NMT1: variants seen among roughly 807,000 people sequenced by gnomAD.
The protein encoded by NMT1 is glycylpeptide N-tetradecanoyltransferase 1.
Under a neutral mutation model 63.4 loss-of-function variants are expected in NMT1, and 12 were observed. The observed-to-expected ratio is 0.19, with a 90% CI of 0.12 to 0.31. The LOEUF (loss-of-function observed/expected upper bound fraction) is 0.31. NMT1 is among the 10% of genes least tolerant of loss of function. The pLI, the probability that NMT1 is intolerant of heterozygous loss-of-function variation, is 1.00. For synonymous variants in NMT1, 228 were observed against 234.3 expected, an observed-to-expected ratio of 0.97 and a Z score of 0.25; for missense variants, 432 against 634.6, an observed-to-expected ratio of 0.68 and a Z score of 3.43.
At chr17:45,093,608 T>A in intron 3 of NMT1, 77 bp from the exon 4 acceptor site, 1 of 1,181,170 alleles carries the variant, frequency 8.5e-7, no homozygotes, top group Non-Finnish European at 1.2e-6. Flanking sequence ...GAATTTGCTC[T>A]GGTTGAGTTT....
chr17:45,096,508 A>G (rs1707893657), intron 5 of NMT1, among the ~76,000 whole-genome samples: 2 of 152,262 alleles, frequency 1.3e-5, no homozygotes, highest in Non-Finnish European at 2.9e-5. Context: ...TCGTAGAGCT[A>G]GTACCCAGGG....
chr17:45,104,166 A>G lies in NMT1; in HGVS notation c.1332+290A>G. On this transcript the variant is annotated intron_variant, in intron 10 of 11. Coordinates refer to ENST00000258960, the MANE Select transcript of NMT1 (RefSeq NM_021079.5). This position sits in a 1 kb window ranked among gnomAD's most constrained non-coding sequence, Gnocchi z 4.2. ...GAATAGCCAGGCCTTCCCTGGGAGGACAGGGCTTCTCCTCACAGCTTTCCC... is the reference window on the plus strand; with the variant it reads ...GAATAGCCAGGCCTTCCCTGGGAGGGCAGGGCTTCTCCTCACAGCTTTCCC... 1.5e-6 allele frequency: 2 copies of G among 1,314,056 alleles called. No individual in the cohort carries two copies. Among genetic ancestry groups the G allele is most frequent in the Admixed American group, 3.2e-5 (1 of 31,690 alleles). 81.4% of individuals were successfully genotyped at this position (1,314,056 alleles called of 1,614,324 possible). A position where few individuals can be genotyped will look rare whatever the true frequency, so the allele number is the denominator to read the frequency against.
intron 1 of NMT1, among the ~76,000 whole-genome samples, chr17:45,076,606 TG>T (rs2053979231): frequency 6.6e-6 from 1 of 151,782 alleles, no homozygotes; most frequent in Non-Finnish European, 1.5e-5. Flanking sequence ...AAAAATTAGC[TG>T]GGTGTGATGG....
At chr17:45,069,029 C>G (rs572611563) in intron 1 of NMT1, among the ~76,000 whole-genome samples, 1 of 147,834 alleles carries the variant, frequency 6.8e-6, no homozygotes, top group African/African-American at 2.5e-5. Context: ...GGCGCGATCT[C>G]GGCTCACTGC....
chr17:45,062,668 T>TA (rs1380222506), intron 1 of NMT1, among the ~76,000 whole-genome samples: 1 of 152,214 alleles, frequency 6.6e-6, no homozygotes, highest in Non-Finnish European at 1.5e-5. Flanking sequence ...CTATTGCTCC[T>TA]AGGCTACAAA....
In NMT1 at chr17:45,105,106, C is replaced by A; in HGVS notation, c.1470+110C>A. The A allele has an allele frequency of 7.0e-7, 1 of 1,422,852 alleles. No individual in the cohort carries two copies. 88.1% of individuals were successfully genotyped at this position (1,422,852 alleles called of 1,614,324 possible). ...CAGCCGCAGTCTGGGTCCTTGTTACCTCGAGTTGAACCTTTGAAAATGCCC... is the reference window on the plus strand; with the variant it reads ...CAGCCGCAGTCTGGGTCCTTGTTACATCGAGTTGAACCTTTGAAAATGCCC... On this transcript the variant is annotated intron_variant, in intron 11 of 11. Coordinates refer to ENST00000258960, the MANE Select transcript of NMT1 (RefSeq NM_021079.5). The surrounding 1 kb of genome is among the most constrained non-coding windows in gnomAD (Gnocchi z 4.2).
chr17:45,097,204 T>A lies in NMT1; in HGVS notation c.673T>A (p.Phe225Ile). The part of the protein sequence containing the change: ...RVVSSRKLVG[F>I]ISAIPANIHI... ...GGTCTCAAGTCGGAAATTGGTTGGG[T>A]TCATTAGCGCCATCCCAGCAAACAT... The change falls in exon 6 of 12, where the codon TTC becomes ATC. Residue 225 changes from phenylalanine to isoleucine, a missense_variant. This residue lies in a region of NMT1 where 295 missense variants were observed against 489.7 expected (regional missense o/e 0.60). Transcript: ENST00000258960. The A allele has an allele frequency of 6.2e-7, 1 of 1,613,988 alleles. No individual in the cohort carries two copies. Among genetic ancestry groups the A allele is most frequent in the Non-Finnish European group, 8.5e-7 (1 of 1,179,990 alleles).
chr17:45,079,064 C>A (rs538240741), intron 1 of NMT1, among the ~76,000 whole-genome samples: 70 of 151,940 alleles, frequency 4.6e-4, no homozygotes, highest in Non-Finnish European at 7.7e-4. Flanking sequence ...AGGTTGGACT[C>A]CTAATTTTGA....
intron 1 of NMT1, among the ~76,000 whole-genome samples, chr17:45,081,363 A>G (rs990259840): frequency 6.6e-6 from 1 of 152,236 alleles, no homozygotes; most frequent in South Asian, 2.1e-4. Flanking sequence ...CCCTGGCAAT[A>G]TAAAGAAAAT....
rs751194073 is a variant in NMT1 at position 45,093,859 on chromosome 17, C to A, written c.504+56C>A. On this transcript the variant is annotated intron_variant, in intron 4 of 11. Transcript: ENST00000258960. ...GGGTAGGAGCCACTTTCACAGTAAGCCCTGCAGTCTCACCTAGACTACGTT... is the reference window on the plus strand; with the variant it reads ...GGGTAGGAGCCACTTTCACAGTAAGACCTGCAGTCTCACCTAGACTACGTT... The A allele has an allele frequency of 5.8e-6, 8 of 1,382,904 alleles. No homozygotes were observed. In the African/African-American group the frequency reaches 7.1e-5, roughly 12 times the overall value. The allele number at this position is 1,382,904 out of a possible 1,614,324, so 85.7% of individuals were successfully genotyped here.
At chr17:45,072,655 G>C (rs1047935490) in intron 1 of NMT1, among the ~76,000 whole-genome samples, 1 of 150,898 alleles carries the variant, frequency 6.6e-6, no homozygotes, top group Non-Finnish European at 1.5e-5. Flanking sequence ...CGCCTCCCGG[G>C]TTCACGCCAT....
intron 1 of NMT1, among the ~76,000 whole-genome samples, chr17:45,063,958 G>T (rs181459038): frequency 6.6e-6 from 1 of 151,946 alleles, no homozygotes; most frequent in East Asian, 1.9e-4. Flanking sequence ...AGGCCGAGGC[G>T]GGTGGATCAC....
rs2054205627 is a variant in NMT1 at position 45,106,874 on chromosome 17, A to T, written c.*1235A>T. ...TGTTTTGTGGATTTTTGTGGTAGTG[A>T]TGGTTGTCAGTGCTGCCAGTTTCCC... On this transcript the variant is annotated 3_prime_UTR_variant, in exon 12 of 12. Coordinates refer to ENST00000258960, the MANE Select transcript of NMT1 (RefSeq NM_021079.5). The T allele has an allele frequency of 6.6e-6, 1 of 152,480 alleles. No individual in the cohort carries two copies. Among genetic ancestry groups the T allele is most frequent in the Non-Finnish European group, 1.5e-5 (1 of 68,030 alleles). 9.4% of individuals were successfully genotyped at this position (152,480 alleles called of 1,614,324 possible).
chr17:45,100,469 G>A (rs537649711), intron 8 of NMT1, among the ~76,000 whole-genome samples: 33 of 152,026 alleles, frequency 2.2e-4, no homozygotes, highest in Middle Eastern at 6.8e-3. Context: ...TTGGGAGGCT[G>A]AGGCAGGAGA....
chr17:45,067,938 A>AAT (rs2053913327), intron 1 of NMT1, among the ~76,000 whole-genome samples: 1 of 152,208 alleles, frequency 6.6e-6, no homozygotes, highest in African/African-American at 2.4e-5. Context: ...CTCACGCTAA[A>AAT]ATTCCCCAGC....
At chr17:45,071,277 C>T (rs897407459) in intron 1 of NMT1, among the ~76,000 whole-genome samples, 4 of 152,188 alleles carry the variant, frequency 2.6e-5, no homozygotes, top group Non-Finnish European at 5.9e-5. Flanking sequence ...CTCTGTCACC[C>T]AGATCGTAGT....
chr17:45,105,265 A>T lies in NMT1; in HGVS notation c.1470+269A>T, dbSNP rs1376193896. Among the ~76,000 whole-genome samples the T allele has an allele frequency of 6.6e-6, 1 of 152,184 alleles. No homozygotes were observed. The highest frequency in any genetic ancestry group is 1.5e-5 in the Non-Finnish European group (1 of 68,032). Reference sequence around the variant, plus strand: ...GCCTTCCCACGTGAGGGAACCGTGGAAGTTGAGTTGCCCACGGTTTGCCAG... The same window carrying T: ...GCCTTCCCACGTGAGGGAACCGTGGTAGTTGAGTTGCCCACGGTTTGCCAG... On this transcript the variant is annotated intron_variant, in intron 11 of 11. Transcript: ENST00000258960. The surrounding 1 kb of genome is among the most constrained non-coding windows in gnomAD (Gnocchi z 4.2).
At chr17:45,097,831 C>T (rs965903190) in intron 6 of NMT1, among the ~76,000 whole-genome samples, 3 of 152,252 alleles carry the variant, frequency 2.0e-5, no homozygotes, top group Non-Finnish European at 2.9e-5. Context: ...CATTTTTGAA[C>T]GCCTGTACCA....
Position 45,086,124 on chromosome 17 carries a change from C to CTTTTTT in NMT1, c.241-372_241-367dup, listed in dbSNP as rs758394346. Among the ~76,000 whole-genome samples, 3 of 117,504 alleles carry CTTTTTT rather than the reference C, an allele frequency of 2.6e-5. 1 individual carries two copies. Among genetic ancestry groups the CTTTTTT allele is most frequent in the Admixed American group, 1.9e-4 (2 of 10,776 alleles). 77.1% of individuals were successfully genotyped at this position (117,504 alleles called of 152,430 possible). On this transcript the variant is annotated intron_variant, in intron 2 of 11. Coordinates refer to ENST00000258960, the MANE Select transcript of NMT1 (RefSeq NM_021079.5). ...GGCATGAGCCACTGCGCCCAGCACT[C>CTTTTTT]TTTTTTTTTTTTTTTTTGAGACGGA... is the stretch of plus-strand genomic sequence containing the variant.
Sources: gnomAD v4.1 joint callset for allele counts (sites outside exome capture counted in the v4.1 genomes callset) on GRCh38, gnomAD v4.1.1 for gene constraint, gnomAD v4.1.1 regional missense constraint, Gnocchi (gnomAD v3.1) non-coding constraint, MANE v1.5 for transcripts, NCBI Gene and HGNC (gene_info 2026-07-23, HGNC 2026-07-21) for gene names.